Variants in MBD5 observed in about 807,000 individuals in gnomAD.
MBD5 encodes the protein methyl-CpG-binding domain protein 5.
A neutral mutation model predicts 117.3 loss-of-function variants in MBD5; 13 were observed. The observed-to-expected ratio is 0.11, with a 90% CI of 0.07 to 0.18. The LOEUF (loss-of-function observed/expected upper bound fraction) is 0.18, where lower values mean the gene tolerates loss of function less well. MBD5 is among the 10% of genes least tolerant of loss of function. MBD5 has a pLI of 1.00. For missense variants in MBD5, 1,879 were observed against 2,093.8 expected, an observed-to-expected ratio of 0.90 and a Z score of 2.00; for synonymous variants, 727 against 766.4, an observed-to-expected ratio of 0.95 and a Z score of 0.85.
At chr2:148,201,258 C>A (rs1391839455) in intron 2 of MBD5, among the ~76,000 whole-genome samples, 1 of 152,206 alleles carries the variant, frequency 6.6e-6, no homozygotes, top group Non-Finnish European at 1.5e-5. Context: ...ATTCCAAGCA[C>A]TGGCACAAGA....
At chr2:148,489,198 A>G (rs1574483843) in intron 10 of MBD5, among the ~76,000 whole-genome samples, 188 bp from the exon 11 acceptor site, 1 of 152,374 alleles carries the variant, frequency 6.6e-6, no homozygotes, top group East Asian at 1.9e-4. Context: ...CAGCATGCAA[A>G]TATAATCAAG....
At chr2:148,055,247 T>C (rs1694824451) in intron 1 of MBD5, 1 of 152,008 alleles carries the variant, frequency 6.6e-6, no homozygotes, top group African/African-American at 2.4e-5. Flanking sequence ...GTTTAAGGTC[T>C]CCTAGAATTC....
intron 1 of MBD5, among the ~76,000 whole-genome samples, chr2:148,052,937 G>A (rs1694757800): frequency 6.7e-6 from 1 of 148,358 alleles, no homozygotes; most frequent in African/African-American, 2.5e-5. Flanking sequence ...ACTCCAACCT[G>A]GGCGACAGAC....
intron 2 of MBD5, among the ~76,000 whole-genome samples, chr2:148,196,947 A>G (rs1699003997): frequency 6.6e-6 from 1 of 152,144 alleles, no homozygotes; most frequent in Admixed American, 6.6e-5. Context: ...TGGAAAATTA[A>G]TATATCTCAC....
intron 11 of MBD5, among the ~76,000 whole-genome samples, chr2:148,492,277 C>T (rs1681552679): frequency 6.6e-6 from 1 of 151,798 alleles, no homozygotes; most frequent in African/African-American, 2.4e-5. Context: ...AATCCAGATT[C>T]TTCTTCCTTA....
chr2:148,370,950 A>G (rs1479102735), intron 4 of MBD5, among the ~76,000 whole-genome samples: 1 of 152,190 alleles, frequency 6.6e-6, no homozygotes, highest in Non-Finnish European at 1.5e-5. Context: ...ATTTGCAAAT[A>G]TATGAGTATA....
At chr2:148,473,441 A>G (rs1236751135) in intron 8 of MBD5, among the ~76,000 whole-genome samples, 8 of 152,128 alleles carry the variant, frequency 5.3e-5, no homozygotes, top group Admixed American at 5.2e-4. Flanking sequence ...ACATGGTCCA[A>G]CTGTACTCTG....
intron 1 of MBD5, among the ~76,000 whole-genome samples, chr2:148,038,539 A>G (rs1388676605): frequency 6.6e-6 from 1 of 151,132 alleles, no homozygotes; most frequent in Non-Finnish European, 1.5e-5. Flanking sequence ...AAAAAAGGAA[A>G]AGAAAAAGAA....
At chr2:148,440,539 TAAG>T in intron 4 of MBD5, among the ~76,000 whole-genome samples, 1 of 152,270 alleles carries the variant, frequency 6.6e-6, no homozygotes, top group African/African-American at 2.4e-5. Context: ...AATATATTAT[TAAG>T]AAGAACTTTT....
At chr2:148,210,182 A>C (rs1452475772) in intron 2 of MBD5, among the ~76,000 whole-genome samples, 2 of 152,186 alleles carry the variant, frequency 1.3e-5, no homozygotes, top group Non-Finnish European at 2.9e-5. Context: ...AAAACTACTT[A>C]TTTAGAGCTA....
At chr2:148,202,406 G>A (rs566117124) in intron 2 of MBD5, among the ~76,000 whole-genome samples, 28 of 152,208 alleles carry the variant, frequency 1.8e-4, no homozygotes, top group African/African-American at 6.3e-4. Context: ...CTAGGCAGCA[G>A]AATGGAACAG....
chr2:148,445,713 C>G (rs928725433), intron 4 of MBD5, among the ~76,000 whole-genome samples: 1 of 151,476 alleles, frequency 6.6e-6, no homozygotes, highest in Admixed American at 6.6e-5. Flanking sequence ...AATCGCCACA[C>G]CGACTTCCAC....
intron 2 of MBD5, among the ~76,000 whole-genome samples, chr2:148,187,591 A>G (rs1698697247): frequency 6.6e-6 from 1 of 152,212 alleles, no homozygotes; most frequent in African/African-American, 2.4e-5. Flanking sequence ...TGCAAAACAA[A>G]AATGAACTGA....
chr2:148,065,969 G>A (rs1198045654), intron 1 of MBD5, among the ~76,000 whole-genome samples: 1 of 152,090 alleles, frequency 6.6e-6, no homozygotes, highest in Non-Finnish European at 1.5e-5. Flanking sequence ...AGGAGACAAG[G>A]GACATTTCTA....
At chr2:148,128,734 T>G (rs994152336) in intron 1 of MBD5, among the ~76,000 whole-genome samples, 1 of 152,228 alleles carries the variant, frequency 6.6e-6, no homozygotes, top group Non-Finnish European at 1.5e-5. Context: ...CATGTGTGTA[T>G]GCATGTATTG....
intron 4 of MBD5, among the ~76,000 whole-genome samples, chr2:148,398,628 T>G (rs1366390476): frequency 6.6e-6 from 1 of 152,214 alleles, no homozygotes; most frequent in East Asian, 1.9e-4. Flanking sequence ...TGGTAGTTTC[T>G]TTTGCTGTGC....
At chr2:148,374,588 A>T (rs923505302) in intron 4 of MBD5, among the ~76,000 whole-genome samples, 6 of 152,154 alleles carry the variant, frequency 3.9e-5, no homozygotes, top group Admixed American at 1.3e-4. Context: ...GCGCCTGTTG[A>T]CCTTCCGTTT....
rs778801929 is a variant in MBD5, at chr2:148,469,519, A to T, written c.1576A>T (p.Ile526Phe). The change falls in exon 8 of 14, where the codon ATT becomes TTT. Residue 526 changes from isoleucine (I) to phenylalanine (F), a missense_variant. Around this residue, in one of 4 missense-constraint regions of MBD5, gnomAD observed 1,666 missense variants for 1,792.2 expected, o/e 0.93. Transcript: ENST00000642680. ...HQYKDIPNPL[I>F]AGISNVLNTP... The stretch of plus-strand genomic sequence containing the variant: ...GTACAAGGATATCCCTAACCCATTA[A>T]TTGCTGGAATAAGTAATGTACTAAA... The T allele has an allele frequency of 6.2e-7, 1 of 1,613,742 alleles. No individual in the cohort carries two copies. Among genetic ancestry groups the T allele is most frequent in the Non-Finnish European group, 8.5e-7 (1 of 1,179,902 alleles).
intron 1 of MBD5, among the ~76,000 whole-genome samples, chr2:148,152,558 T>C (rs1297522323): frequency 6.6e-6 from 1 of 151,996 alleles, no homozygotes; most frequent in Non-Finnish European, 1.5e-5. Context: ...CTCCCATTAT[T>C]AATGTGTGGG....
Sources: gnomAD v4.1 joint callset for allele counts (sites outside exome capture counted in the v4.1 genomes callset) on GRCh38, gnomAD v4.1.1 for gene constraint, gnomAD v4.1.1 regional missense constraint, MANE v1.5 for transcripts, NCBI Gene and HGNC (gene_info 2026-07-23, HGNC 2026-07-21) for gene names.